The following ANO4 variants were observed in gnomAD, a reference collection of about 807,000 sequenced individuals.
The protein encoded by ANO4 is anoctamin 4.
In ANO4, 69 loss-of-function variants were observed where a neutral mutation model predicts 141.9. That is an observed-to-expected ratio of 0.49 (90% CI 0.40 to 0.59). ANO4 has a LOEUF of 0.59. Ranked by LOEUF, ANO4 falls within the 20% of genes least tolerant of loss-of-function variation. The probability of loss-of-function intolerance (pLI) is 0.00; values close to 1 mark genes in which losing one functional copy is unlikely to be tolerated. For synonymous variants in ANO4, 350 were observed against 394.3 expected, an observed-to-expected ratio of 0.89 and a Z score of 1.33; for missense variants, 894 against 1,162.2, an observed-to-expected ratio of 0.77 and a Z score of 3.36.
At chr12:100,989,324 G>A (rs191511123) in intron 8 of ANO4, among the ~76,000 whole-genome samples, 154 of 152,310 alleles carry the variant, frequency 1.0e-3, no homozygotes, top group African/African-American at 3.2e-3. Flanking sequence ...AAGCTGATAC[G>A]TTCCCATTCT....
chr12:100,730,970 A>C (rs1205666092), intron 1 of ANO4, among the ~76,000 whole-genome samples: 1 of 152,158 alleles, frequency 6.6e-6, no homozygotes, highest in Non-Finnish European at 1.5e-5. Context: ...AACCAAGGGC[A>C]CCTATAGAAA....
In ANO4 at chr12:100,860,752, C is replaced by G. The variant is rs144845250; in HGVS notation, c.-140-40894C>G. ...GGAACTTCTATTTCATTGGAAGAGA[C>G]AGATGATAAATAAAAAAGTAAATAC... On this transcript the variant is annotated intron_variant, in intron 1 of 27. Transcript: ENST00000392977. Among the ~76,000 whole-genome samples the G allele has an allele frequency of 5.1e-3, 780 of 152,204 alleles. 9 individuals are homozygous for G. The highest frequency in any genetic ancestry group is 0.018 in the African/African-American group (748 of 41,526).
At chr12:101,086,898 A>C in intron 17 of ANO4, 74 bp downstream of exon 17, 1 of 1,536,838 alleles carries the variant, frequency 6.5e-7, no homozygotes, top group Non-Finnish European at 8.9e-7. Flanking sequence ...TTCTGTTGCT[A>C]AGGGGATCTG....
chr12:100,912,253 G>C (rs2041133716), intron 2 of ANO4, among the ~76,000 whole-genome samples: 1 of 152,034 alleles, frequency 6.6e-6, no homozygotes, highest in South Asian at 2.1e-4. Context: ...AAATTAACCA[G>C]ACATTGTAGT....
intron 2 of ANO4, among the ~76,000 whole-genome samples, chr12:100,912,443 A>G (rs1593733392): frequency 6.8e-6 from 1 of 146,110 alleles, no homozygotes; most frequent in Non-Finnish European, 1.5e-5. Context: ...CTGAAGCAGG[A>G]GAATCGCTTG....
chr12:100,733,338 C>G (rs967738941), intron 1 of ANO4, among the ~76,000 whole-genome samples: 1 of 152,126 alleles, frequency 6.6e-6, no homozygotes, highest in Non-Finnish European at 1.5e-5. Context: ...TCGTTTCCCT[C>G]AATTCATCCA....
At chr12:101,098,554 G>C (rs1051736939) in intron 21 of ANO4, among the ~76,000 whole-genome samples, 1 of 152,132 alleles carries the variant, frequency 6.6e-6, no homozygotes, top group Non-Finnish European at 1.5e-5. Context: ...AACGATTAGT[G>C]GGAACTTGGT....
intron 5 of ANO4, among the ~76,000 whole-genome samples, chr12:100,947,846 A>G (rs1022401584): frequency 1.3e-5 from 2 of 152,146 alleles, no homozygotes; most frequent in Non-Finnish European, 2.9e-5. Context: ...TTGCCCTTAT[A>G]TTGTGTTGAT....
At chr12:100,731,733 T>C (rs1231495841) in intron 1 of ANO4, among the ~76,000 whole-genome samples, 1 of 152,238 alleles carries the variant, frequency 6.6e-6, no homozygotes, top group Non-Finnish European at 1.5e-5. Context: ...TGTCACATAG[T>C]TGGAATCATA....
intron 1 of ANO4, among the ~76,000 whole-genome samples, chr12:100,807,514 A>G (rs80047163): frequency 0.02 from 3,102 of 152,244 alleles, 103 homozygotes; most frequent in African/African-American, 0.069. Context: ...CTAAAAAACA[A>G]TCATGTTTTG....
intron 2 of ANO4, among the ~76,000 whole-genome samples, chr12:100,739,167 T>C (rs547168607): frequency 1.3e-3 from 187 of 149,584 alleles, no homozygotes; most frequent in African/African-American, 4.3e-3. Flanking sequence ...TAAAAGTTTA[T>C]ATATGTAAAA....
At chr12:100,965,590 A>G (rs528632660) in intron 5 of ANO4, among the ~76,000 whole-genome samples, 33 of 151,728 alleles carry the variant, frequency 2.2e-4, no homozygotes, top group South Asian at 8.3e-4. Context: ...CTCTAATCCT[A>G]TCTTAGGTAA....
chr12:100,899,289 A>G (rs2040482979), intron 1 of ANO4, among the ~76,000 whole-genome samples: 1 of 152,190 alleles, frequency 6.6e-6, no homozygotes, highest in South Asian at 2.1e-4. Flanking sequence ...ATGTGGAGGT[A>G]GATGTGTGAA....
intron 1 of ANO4, among the ~76,000 whole-genome samples, chr12:100,886,687 G>A (rs968831862): frequency 4.6e-5 from 7 of 152,120 alleles, no homozygotes; most frequent in Admixed American, 4.6e-4. Context: ...AGTTTTATTA[G>A]AACTCAGTCA....
intron 1 of ANO4, chr12:100,859,083 T>C (rs1740446826): frequency 6.6e-6 from 1 of 152,176 alleles, no homozygotes; most frequent in East Asian, 1.9e-4. Context: ...TTACATTTTG[T>C]GGTAGTCTTT....
intron 1 of ANO4, among the ~76,000 whole-genome samples, chr12:100,871,819 G>T (rs1227055577): frequency 6.6e-6 from 1 of 152,110 alleles, no homozygotes; most frequent in Non-Finnish European, 1.5e-5. Context: ...TTGGTTTGGG[G>T]TGGGGGCTCT....
intron 1 of ANO4, among the ~76,000 whole-genome samples, chr12:100,836,427 G>T (rs2036915297): frequency 6.6e-6 from 1 of 151,782 alleles, no homozygotes; most frequent in South Asian, 2.1e-4. Flanking sequence ...GTGCCATGTT[G>T]GTCTGCTGCA....
intron 1 of ANO4, among the ~76,000 whole-genome samples, chr12:100,832,019 A>G (rs1303733399): frequency 6.6e-6 from 1 of 152,114 alleles, no homozygotes; most frequent in African/African-American, 2.4e-5. Context: ...TTTGTAAGTT[A>G]ACAATCCTTA....
chr12:101,038,287 T>C (rs2136602552), intron 10 of ANO4: 2 of 152,298 alleles, frequency 1.3e-5, no homozygotes, highest in Middle Eastern at 3.4e-3. Context: ...CATCATGTCA[T>C]TGTTAGTTGG....
Sources: gnomAD v4.1 joint callset for allele counts (sites outside exome capture counted in the v4.1 genomes callset) on GRCh38, gnomAD v4.1.1 for gene constraint, MANE v1.5 for transcripts, NCBI Gene and HGNC (gene_info 2026-07-23, HGNC 2026-07-21) for gene names.